Variants in TIAM2 observed in about 807,000 individuals in gnomAD.
The protein encoded by TIAM2 is TIAM Rac1 associated GEF 2, also known as rho guanine nucleotide exchange factor TIAM2.
Under a neutral mutation model 152.9 loss-of-function variants are expected in TIAM2, and 80 were observed. The observed-to-expected ratio is 0.52, with a 90% CI of 0.44 to 0.63. The LOEUF (loss-of-function observed/expected upper bound fraction) is 0.63. Ranked by LOEUF, TIAM2 falls within the 30% of genes least tolerant of loss-of-function variation. The pLI is 0.00. For missense variants in TIAM2, 1,965 were observed against 2,120.1 expected, an observed-to-expected ratio of 0.93 and a Z score of 1.44; for synonymous variants, 804 against 838.0, an observed-to-expected ratio of 0.96 and a Z score of 0.70.
rs373835372 is a variant in TIAM2, at chr6:155,001,495, G to A, written c.-209+6003G>A. ...ACATTAAGGAAAAAAAAATGCCCAC[G>A]GATGGTTACCGCCAGCAGACATAGG... On this transcript the variant is annotated intron_variant, in intron 1 of 26. Transcript: ENST00000682666. 8.7e-4 allele frequency among the ~76,000 whole-genome samples: 132 copies of A among 152,272 alleles called. 2 individuals carry two copies. The South Asian group carries it at 0.025, about 29-fold the overall frequency.
At position 155,172,669 on chromosome 6, in the gene TIAM2, TATATATATATATATA is replaced by T. The variant is rs1424641443; in HGVS notation, c.2362-4146_2362-4132del. On this transcript the variant is annotated intron_variant, in intron 9 of 26. Coordinates refer to ENST00000682666, the MANE Select transcript of TIAM2 (RefSeq NM_012454.4). ...ATATATATATATATATATATATATA[TATATATATATATATA>T]TATTTTTTTTTTTTTTTTTTTTTTT... is the stretch of plus-strand genomic sequence containing the variant. Among the ~76,000 whole-genome samples the T allele has an allele frequency of 2.6e-3, 25 of 9,622 alleles. 1 individual carries two copies. The highest frequency in any genetic ancestry group is 5.5e-3 in the Non-Finnish European group (23 of 4,218). The allele number at this position is 9,622 out of a possible 152,430, so 6.3% of individuals were successfully genotyped here.
chr6:155,168,349 A>AATTT (rs34392123), intron 9 of TIAM2, among the ~76,000 whole-genome samples: 6,476 of 151,884 alleles, frequency 0.043, 162 homozygotes, highest in Non-Finnish European at 0.06. Flanking sequence ...ATCAAGAATG[A>AATTT]ATTTATTTAT....
intron 1 of TIAM2, among the ~76,000 whole-genome samples, chr6:154,996,005 C>T (rs1045974960): frequency 6.6e-6 from 1 of 152,202 alleles, no homozygotes; most frequent in East Asian, 1.9e-4. Flanking sequence ...GTAGACCGTG[C>T]GGTCCCTGCT....
chr6:155,053,029 C>T (rs989601376), intron 1 of TIAM2, among the ~76,000 whole-genome samples: 7 of 152,054 alleles, frequency 4.6e-5, no homozygotes, highest in African/African-American at 1.4e-4. Context: ...CTTAAAGCAA[C>T]GTGCAGGGTA....
intron 1 of TIAM2, among the ~76,000 whole-genome samples, chr6:155,088,681 C>T (rs1447451071): frequency 1.3e-5 from 2 of 152,182 alleles, no homozygotes; most frequent in Admixed American, 1.3e-4. Flanking sequence ...CAATCTCAGT[C>T]CCCTTGCTCT....
intron 7 of TIAM2, among the ~76,000 whole-genome samples, chr6:155,157,080 C>A (rs183895064): frequency 6.6e-6 from 1 of 151,756 alleles, no homozygotes; most frequent in South Asian, 2.1e-4. Context: ...CTGGAGGAAC[C>A]GTGTCTGTTT....
At position 155,182,418 on chromosome 6, in the gene TIAM2, G is replaced by A. The variant is rs1402445890; in HGVS notation, c.2800+100G>A. On this transcript the variant is annotated intron_variant, in intron 13 of 26. Coordinates refer to ENST00000682666, the MANE Select transcript of TIAM2 (RefSeq NM_012454.4). The stretch of plus-strand genomic sequence containing the variant: ...CTTCTTACAGTTTTGTCAGAAAAAG[G>A]TTGCTCCTGGAATTTTAAAGAAAGT... The A allele has an allele frequency of 6.5e-6, 7 of 1,070,026 alleles. No individual in the cohort carries two copies. In the African/African-American group the frequency reaches 9.6e-5, roughly 15 times the overall value. 66.3% of individuals were successfully genotyped at this position (1,070,026 alleles called of 1,614,324 possible).
rs778968154 is a variant in TIAM2 at position 155,144,676 on chromosome 6, T to C, written c.1701T>C (p.Ala567=). The C allele has an allele frequency of 1.2e-5, 19 of 1,609,194 alleles. No homozygotes were observed. The South Asian group carries it at 2.1e-4, about 18-fold the overall frequency. ...ATCAGAGCAGTGCCCCTCGGTGTGC[T>C]CTGTTTGCAGAAGACAGCATAGTGC... ...SMDQSSAPRC[A]LFAEDSIVQS... The change falls in exon 6 of 27, where the codon GCT becomes GCC. Residue 567 remains alanine, a synonymous_variant. Transcript: ENST00000682666.
chr6:155,047,412 T>G (rs1777200755), intron 1 of TIAM2, among the ~76,000 whole-genome samples: 1 of 152,158 alleles, frequency 6.6e-6, no homozygotes, highest in South Asian at 2.1e-4. Context: ...ACTCCTGACC[T>G]CAAGTGATCC....
intron 1 of TIAM2, among the ~76,000 whole-genome samples, chr6:155,004,215 C>T (rs1351011362): frequency 6.6e-6 from 1 of 152,064 alleles, no homozygotes; most frequent in East Asian, 1.9e-4. Context: ...TGTAGGCTAC[C>T]TGCAAGACAA....
chr6:155,211,302 T>C lies in TIAM2; in HGVS notation c.3163T>C (p.Phe1055Leu), dbSNP rs781441623. The C allele has an allele frequency of 3.7e-6, 6 of 1,612,816 alleles. No individual in the cohort carries two copies. In the Admixed American group the frequency reaches 1.0e-4, roughly 27 times the overall value. Residue 1055 changes from phenylalanine (F) to leucine (L), a missense_variant, in exon 15 of 27, where the codon TTC (phenylalanine) becomes CTC (leucine). Around this residue, in one of 3 missense-constraint regions of TIAM2, gnomAD observed 935 missense variants for 980.0 expected, o/e 0.95. Coordinates refer to ENST00000682666, the MANE Select transcript of TIAM2 (RefSeq NM_012454.4). ...VSHREKMEQT[F>L]RSAEQITALC... ...CCACAGGGAGAAAATGGAGCAGACA[T>C]TCAGGGTAAGATACTGGCCCAAATC... is the stretch of plus-strand genomic sequence containing the variant.
intron 1 of TIAM2, among the ~76,000 whole-genome samples, chr6:155,019,953 T>A: frequency 6.6e-6 from 1 of 152,000 alleles, no homozygotes; most frequent in Non-Finnish European, 1.5e-5. Flanking sequence ...CTTGGGAGGC[T>A]GAGGCAGGAG....
chr6:155,239,663 T>A (rs1328328471), intron 15 of TIAM2, among the ~76,000 whole-genome samples: 1 of 152,184 alleles, frequency 6.6e-6, no homozygotes, highest in Non-Finnish European at 1.5e-5. Flanking sequence ...ATGGTCATGT[T>A]CCTTCTTGTC....
chr6:155,199,429 T>G (rs1219028892), intron 14 of TIAM2, among the ~76,000 whole-genome samples: 1 of 152,154 alleles, frequency 6.6e-6, no homozygotes, highest in African/African-American at 2.4e-5. Flanking sequence ...GACAGTGAGT[T>G]GTGTTTTAAT....
At chr6:155,185,380 G>A (rs1781017050) in intron 14 of TIAM2, among the ~76,000 whole-genome samples, 1 of 151,890 alleles carries the variant, frequency 6.6e-6, no homozygotes, top group African/African-American at 2.4e-5. Context: ...ACCCTCCTCA[G>A]CCTCCCAAAG....
intron 4 of TIAM2, among the ~76,000 whole-genome samples, chr6:155,133,640 C>A (rs1779494353): frequency 6.6e-6 from 1 of 152,124 alleles, no homozygotes; most frequent in Non-Finnish European, 1.5e-5. Context: ...CACCATTGTA[C>A]TCTCTGCTTC....
Position 155,257,344 on chromosome 6 carries a change from T to A in TIAM2, c.*223T>A. ...GAATCTGTAAATTACTTAGTTTATA[T>A]CCACTTTGAGCAGGTATCAAATGAT... On this transcript the variant is annotated 3_prime_UTR_variant, in exon 27 of 27. Coordinates refer to ENST00000682666, the MANE Select transcript of TIAM2 (RefSeq NM_012454.4). 1 of 550,282 alleles carries A rather than the reference T, an allele frequency of 1.8e-6. No individual in the cohort carries two copies. Among genetic ancestry groups the A allele is most frequent in the Non-Finnish European group, 3.2e-6 (1 of 316,572 alleles). 34.1% of individuals were successfully genotyped at this position (550,282 alleles called of 1,614,324 possible). A position where few individuals can be genotyped will look rare whatever the true frequency, so the allele number is the denominator to read the frequency against.
In TIAM2 at chr6:155,157,104, C is replaced by T. The variant is rs570119214; in HGVS notation, c.2029-7311C>T. On this transcript the variant is annotated intron_variant, in intron 7 of 26. Coordinates refer to ENST00000682666, the MANE Select transcript of TIAM2 (RefSeq NM_012454.4). Reference sequence around the variant, plus strand: ...CCGTGTCTGTTTTTTTATCTCTGAACCCTCGATGCCTTGCTTGAGTTAGTG... The same window carrying T: ...CCGTGTCTGTTTTTTTATCTCTGAATCCTCGATGCCTTGCTTGAGTTAGTG... Among the ~76,000 whole-genome samples, 5 of 152,286 alleles carry T rather than the reference C, an allele frequency of 3.3e-5. No individual in the cohort carries two copies. The South Asian group carries it at 8.3e-4, about 25-fold the overall frequency.
At chr6:155,199,390 C>G (rs1781429097) in intron 14 of TIAM2, among the ~76,000 whole-genome samples, 1 of 152,102 alleles carries the variant, frequency 6.6e-6, no homozygotes, top group African/African-American at 2.4e-5. Flanking sequence ...AGAACAGTAA[C>G]TTCTATATCA....
Sources: allele counts gnomAD v4.1 joint callset (sites outside exome capture counted in the v4.1 genomes callset), GRCh38; gene constraint gnomAD v4.1.1; regional missense constraint gnomAD v4.1.1; transcripts MANE v1.5; gene names NCBI Gene and HGNC (gene_info 2026-07-23, HGNC 2026-07-21).